The following TVP23C variants were observed in gnomAD, a reference collection of about 807,000 sequenced individuals.
The protein encoded by TVP23C is Golgi apparatus membrane protein TVP23 homolog C.
Under a neutral mutation model 28.7 loss-of-function variants are expected in TVP23C, and 19 were observed. The ratio of observed to expected loss-of-function variants is 0.66; its 90% CI spans 0.46 to 0.97. TVP23C has a LOEUF of 0.97. TVP23C is among the 50% of genes least tolerant of loss of function. The pLI is 0.00. For missense variants in TVP23C, 186 were observed against 241.3 expected, an observed-to-expected ratio of 0.77 and a Z score of 1.52; for synonymous variants, 68 against 81.7, an observed-to-expected ratio of 0.83 and a Z score of 0.90.
chr17:15,507,227 T>A, intron 5 of TVP23C: 1 of 735,088 alleles, frequency 1.4e-6, no homozygotes, highest in Non-Finnish European at 2.5e-6. Flanking sequence ...CGTGGTTGAA[T>A]GGGAAGCAGG....
At chr17:15,531,508 G>A (rs962952655) in intron 5 of TVP23C, among the ~76,000 whole-genome samples, 263 of 152,056 alleles carry the variant, frequency 1.7e-3, no homozygotes, top group African/African-American at 6.0e-3. Flanking sequence ...CTGTTCCTCG[G>A]ACTGGATAAT....
Position 15,537,641 on chromosome 17 carries a change from A to G in TVP23C, c.*2771T>C. The G allele has an allele frequency of 1.0e-6, 1 of 985,506 alleles. No individual in the cohort carries two copies. The highest frequency in any genetic ancestry group is 6.1e-5 in the Admixed American group (1 of 16,308). The allele number at this position is 985,506 out of a possible 1,614,324, so 61.0% of individuals were successfully genotyped here. On this transcript the variant is annotated 3_prime_UTR_variant, in exon 6 of 6. Transcript: ENST00000518321. ...ATGAAGTACATATTAAAAACTAACA[A>G]TTATTTCTAACTTATACATAAGCCA...
At position 15,559,667 on chromosome 17, in the gene TVP23C, G is replaced by A. The variant is rs1228377222; in HGVS notation, c.12+3770C>T. 2.7e-5 allele frequency among the ~76,000 whole-genome samples: 4 copies of A among 148,852 alleles called. No individual in the cohort carries two copies. In the East Asian group the frequency reaches 5.9e-4, roughly 22 times the overall value. On this transcript the variant is annotated intron_variant, in intron 1 of 5. Transcript: ENST00000518321. Reference sequence around the variant, plus strand: ...TTTAATCACGAGGCCAAGAAGTAGTGGCTTGGTCTAAGATGGATGCAGTGG... The same window carrying A: ...TTTAATCACGAGGCCAAGAAGTAGTAGCTTGGTCTAAGATGGATGCAGTGG...
chr17:15,560,212 C>T (rs1378650965), intron 1 of TVP23C, among the ~76,000 whole-genome samples: 11 of 149,514 alleles, frequency 7.4e-5, no homozygotes, highest in African/African-American at 2.7e-4. Context: ...ACTACAGGCA[C>T]ATGCCACCAC....
intron 5 of TVP23C, among the ~76,000 whole-genome samples, chr17:15,526,357 T>C (rs1215495433): frequency 3.3e-5 from 5 of 152,166 alleles, no homozygotes; most frequent in Non-Finnish European, 5.9e-5. Flanking sequence ...TCTCTCTAGT[T>C]ATATGACCCC....
chr17:15,545,859 C>G lies in TVP23C; in HGVS notation c.388G>C (p.Gly130Arg). The change falls in exon 5 of 6, where the codon GGA becomes CGA. Residue 130 changes from glycine (G) to arginine (R), a missense_variant. Physicochemically the swap from Gly to Arg is moderately radical, Grantham distance 125. Coordinates refer to ENST00000518321, the MANE Select transcript of TVP23C (RefSeq NM_001135036.2). ...SEAESRIFWL[G>R]LIACSVLWVI... ...CACAGTACTGAACAGGCAATAAGTC[C>G]CAACCAAAAGATTCTTGATTCAGCC... 1 of 1,614,044 alleles carries G rather than the reference C, an allele frequency of 6.2e-7. No individual in the cohort carries two copies. The highest frequency in any genetic ancestry group is 8.5e-7 in the Non-Finnish European group (1 of 1,179,984).
At chr17:15,523,587 G>A (rs1982579370) in intron 5 of TVP23C, among the ~76,000 whole-genome samples, 1 of 151,708 alleles carries the variant, frequency 6.6e-6, no homozygotes, top group Admixed American at 6.6e-5. Flanking sequence ...GAGATTACAG[G>A]CATGAGCACT....
chr17:15,540,086 C>T lies in TVP23C; in HGVS notation c.*326G>A. On this transcript the variant is annotated 3_prime_UTR_variant, in exon 6 of 6. Transcript: ENST00000518321. ...CCAGCCTGGGCGACAGAGCAAAACT[C>T]TGTCTCAAAAAATAAAAATAAAAAC... is the stretch of plus-strand genomic sequence containing the variant. 8.7e-7 allele frequency: 1 copy of T among 1,154,194 alleles called. No homozygotes were observed. The highest frequency in any genetic ancestry group is 2.2e-5 in the South Asian group (1 of 45,170). 71.5% of individuals were successfully genotyped at this position (1,154,194 alleles called of 1,614,324 possible).
chr17:15,543,943 T>C (rs1317999203), intron 5 of TVP23C, among the ~76,000 whole-genome samples: 1 of 151,982 alleles, frequency 6.6e-6, no homozygotes, highest in Non-Finnish European at 1.5e-5. Context: ...CATAAATAAA[T>C]GCAAAGATTT....
intron 5 of TVP23C, among the ~76,000 whole-genome samples, chr17:15,510,675 G>A (rs765047852): frequency 5.9e-5 from 9 of 152,124 alleles, no homozygotes; most frequent in Non-Finnish European, 1.0e-4. Flanking sequence ...CATTTACCAA[G>A]TTCTAGCAAC....
At chr17:15,559,363 TAC>T (rs1984278020) in intron 1 of TVP23C, among the ~76,000 whole-genome samples, 1 of 143,606 alleles carries the variant, frequency 7.0e-6, no homozygotes, top group Non-Finnish European at 1.5e-5. Flanking sequence ...CTCCTGGAGT[TAC>T]ATTTACTAAG....
In TVP23C at chr17:15,539,345, C is replaced by T. The variant is rs1983301656; in HGVS notation, c.*1067G>A. 9 of 980,192 alleles carry T rather than the reference C, an allele frequency of 9.2e-6. No homozygotes were observed. The highest frequency in any genetic ancestry group is 5.2e-4 in the Middle Eastern group (1 of 1,926). 60.7% of individuals were successfully genotyped at this position (980,192 alleles called of 1,614,324 possible). On this transcript the variant is annotated 3_prime_UTR_variant, in exon 6 of 6. Transcript: ENST00000518321. ...AGTCACGGCCAGGCGCCGTGGCTCA[C>T]GCCTGTAATCCCAGCACTTTGGGAG...
chr17:15,548,017 A>G (rs971979445), intron 3 of TVP23C, among the ~76,000 whole-genome samples: 1 of 152,222 alleles, frequency 6.6e-6, no homozygotes, highest in African/African-American at 2.4e-5. Flanking sequence ...AAAATTTAGC[A>G]TATCTTTAAA....
At position 15,515,340 on chromosome 17, in the gene TVP23C, T is replaced by G. The variant is rs575130203; in HGVS notation, c.463-12108A>C. On this transcript the variant is annotated intron_variant, in intron 5 of 5. Transcript: ENST00000225576. The stretch of plus-strand genomic sequence containing the variant: ...TCTCATGGAACCAGAAATAAATCAT[T>G]TGTGTAGGAATCCTCATGTAAGCGT... Among the ~76,000 whole-genome samples, 5 of 152,240 alleles carry G rather than the reference T, an allele frequency of 3.3e-5. No homozygotes were observed. In the East Asian group the frequency reaches 7.7e-4, roughly 24 times the overall value.
chr17:15,514,912 G>T (rs1393961872), intron 5 of TVP23C, among the ~76,000 whole-genome samples: 1 of 152,108 alleles, frequency 6.6e-6, no homozygotes, highest in Non-Finnish European at 1.5e-5. Flanking sequence ...CATGGCTGTG[G>T]CAAACACCAT....
rs879367560 is a variant in TVP23C, at chr17:15,560,619, G to A, written c.12+2818C>T. On this transcript the variant is annotated intron_variant, in intron 1 of 5. Transcript: ENST00000518321. Reference sequence around the variant, plus strand: ...CGCCCAGGCTGGAGTGCAGTGGCACGATCTCGGCTCACTGCAAGCTCCGCC... The same window carrying A: ...CGCCCAGGCTGGAGTGCAGTGGCACAATCTCGGCTCACTGCAAGCTCCGCC... 2.7e-5 allele frequency among the ~76,000 whole-genome samples: 4 copies of A among 149,090 alleles called. No individual in the cohort carries two copies. In the Admixed American group the frequency reaches 2.7e-4, roughly 10 times the overall value.
rs566805535 is a variant in TVP23C, at chr17:15,529,880, C to A, written c.462+15905G>T. Among the ~76,000 whole-genome samples the A allele has an allele frequency of 1.6e-3, 243 of 152,150 alleles. 3 individuals are homozygous for A. The highest frequency in any genetic ancestry group is 0.014 in the Admixed American group (217 of 15,282). ...GTGGTGTGATCTCAGCTCACTGCAACCTCCGCCTCCTGGGTTCAAGTGATT... is the reference window on the plus strand; with the variant it reads ...GTGGTGTGATCTCAGCTCACTGCAAACTCCGCCTCCTGGGTTCAAGTGATT... On this transcript the variant is annotated intron_variant, in intron 5 of 5. Transcript: ENST00000225576.
intron 5 of TVP23C, chr17:15,507,414 C>T (rs1035331016): frequency 3.5e-6 from 2 of 571,366 alleles, no homozygotes. Flanking sequence ...AGAGAGAGCA[C>T]CCTCCACCCC....
chr17:15,546,172 T>G (rs1386699953), intron 4 of TVP23C, among the ~76,000 whole-genome samples: 2 of 152,204 alleles, frequency 1.3e-5, no homozygotes, highest in African/African-American at 4.8e-5. Context: ...TGGTCTCTGA[T>G]AGGCTTCTAT....
Sources: gnomAD v4.1 joint callset for allele counts (sites outside exome capture counted in the v4.1 genomes callset) on GRCh38, gnomAD v4.1.1 for gene constraint, MANE v1.5 for transcripts, NCBI Gene and HGNC (gene_info 2026-07-23, HGNC 2026-07-21) for gene names.